EYS: variants seen among roughly 807,000 people sequenced by gnomAD.
EYS encodes the protein protein eyes shut homolog.
Under a neutral mutation model 282.1 loss-of-function variants are expected in EYS, and 250 were observed. The ratio of observed to expected loss-of-function variants is 0.89; its 90% CI spans 0.80 to 0.98. EYS has a LOEUF of 0.98. Among genes scored for constraint, EYS ranks in the 50% least tolerant of loss-of-function variants. The pLI is 0.00. For synonymous variants in EYS, 1,355 were observed against 1,282.9 expected (o/e 1.06, Z -1.20); for missense variants, 4,016 against 3,709.0 (o/e 1.08, Z -2.15).
At chr6:65,134,116 G>T (rs1405365331) in intron 12 of EYS, among the ~76,000 whole-genome samples, 5 of 152,006 alleles carry the variant, frequency 3.3e-5, no homozygotes, top group Non-Finnish European at 7.4e-5. Context: ...AAAACAACAG[G>T]TGTTGGCAAA....
intron 26 of EYS, among the ~76,000 whole-genome samples, chr6:64,488,481 T>A (rs924680333): frequency 7.3e-5 from 11 of 151,258 alleles, no homozygotes; most frequent in African/African-American, 2.2e-4. Context: ...TAGACTATTG[T>A]TAAAATGAAA....
At chr6:65,161,410 A>G (rs1244954154) in intron 12 of EYS, among the ~76,000 whole-genome samples, 1 of 150,982 alleles carries the variant, frequency 6.6e-6, no homozygotes, top group Non-Finnish European at 1.5e-5. Context: ...CCTCTCTCAG[A>G]GCATGAGCCT....
intron 5 of EYS, among the ~76,000 whole-genome samples, chr6:65,487,904 A>AG (rs1765872662): frequency 6.6e-6 from 1 of 152,028 alleles, no homozygotes; most frequent in Non-Finnish European, 1.5e-5. Context: ...TAGTCTTGGG[A>AG]GGGTGTATGT....
chr6:65,607,310 A>C (rs1765831751), intron 2 of EYS, among the ~76,000 whole-genome samples: 1 of 151,898 alleles, frequency 6.6e-6, no homozygotes, highest in Non-Finnish European at 1.5e-5. Context: ...CTCTGTATTC[A>C]CTTAAAAAAA....
intron 19 of EYS, among the ~76,000 whole-genome samples, chr6:64,861,177 G>T (rs993798761): frequency 6.6e-6 from 1 of 152,182 alleles, no homozygotes; most frequent in African/African-American, 2.4e-5. Flanking sequence ...AGGCCAGTGC[G>T]GAACTGCCCT....
intron 30 of EYS, among the ~76,000 whole-genome samples, chr6:64,303,458 G>T (rs564593713): frequency 1.3e-5 from 2 of 152,262 alleles, no homozygotes; most frequent in Non-Finnish European, 2.9e-5. Context: ...CAAAATAACA[G>T]AAAAGGGGGA....
chr6:65,421,787 A>G (rs1582270185), intron 5 of EYS, among the ~76,000 whole-genome samples: 1 of 151,958 alleles, frequency 6.6e-6, no homozygotes, highest in Non-Finnish European at 1.5e-5. Context: ...CTGTGGAGAC[A>G]TGAGAAGAGG....
chr6:64,325,195 A>C (rs1054460769), intron 29 of EYS, among the ~76,000 whole-genome samples: 2 of 152,196 alleles, frequency 1.3e-5, no homozygotes, highest in African/African-American at 2.4e-5. Context: ...GAGATATCTC[A>C]AATACTGTGC....
At chr6:63,726,461 C>T (rs1306859848) in intron 42 of EYS, 58 bp downstream of exon 42, 12 of 1,411,944 alleles carry the variant, frequency 8.5e-6, no homozygotes, top group African/African-American at 5.8e-5. Context: ...CACTATCATA[C>T]ATTACTTAAT....
chr6:64,890,517 G>A (rs566351128), intron 18 of EYS, among the ~76,000 whole-genome samples: 143 of 152,138 alleles, frequency 9.4e-4, no homozygotes, highest in Non-Finnish European at 1.8e-3. Flanking sequence ...GACGCTTAAG[G>A]AAAATAGAAA....
chr6:65,675,436 T>C (rs1768548003), intron 1 of EYS, among the ~76,000 whole-genome samples: 1 of 151,806 alleles, frequency 6.6e-6, no homozygotes, highest in Admixed American at 6.6e-5. Flanking sequence ...AGATATTATG[T>C]GTAAGTGGTT....
chr6:63,793,841 C>A (rs1562029219), intron 37 of EYS, among the ~76,000 whole-genome samples: 1 of 152,118 alleles, frequency 6.6e-6, no homozygotes, highest in Non-Finnish European at 1.5e-5. Flanking sequence ...GAAAATGAGA[C>A]CTTCCTGAAC....
chr6:64,957,939 A>G (rs1226641624), intron 14 of EYS, among the ~76,000 whole-genome samples: 1 of 152,188 alleles, frequency 6.6e-6, no homozygotes. Flanking sequence ...ATAAAATAAA[A>G]TGACCAATAT....
At chr6:64,726,052 T>C (rs1486486916) in intron 22 of EYS, among the ~76,000 whole-genome samples, 1 of 152,172 alleles carries the variant, frequency 6.6e-6, no homozygotes, top group African/African-American at 2.4e-5. Flanking sequence ...CCCAAGTATG[T>C]TGACTTGACA....
chr6:65,305,704 G>A (rs1768985993), intron 11 of EYS, among the ~76,000 whole-genome samples: 1 of 152,322 alleles, frequency 6.6e-6, no homozygotes, highest in Non-Finnish European at 1.5e-5. Context: ...CATGATTAGA[G>A]GAATTCTTTT....
intron 32 of EYS, among the ~76,000 whole-genome samples, chr6:64,069,742 C>A (rs962467462): frequency 6.6e-6 from 1 of 151,946 alleles, no homozygotes; most frequent in Non-Finnish European, 1.5e-5. Flanking sequence ...GATCTAAGGA[C>A]CCCTTAAGAC....
chr6:63,775,517 T>G (rs1365787444), intron 40 of EYS, among the ~76,000 whole-genome samples: 2 of 152,208 alleles, frequency 1.3e-5, no homozygotes, highest in Non-Finnish European at 2.9e-5. Flanking sequence ...CAGGAAAAGA[T>G]TAAACTTTAG....
intron 40 of EYS, among the ~76,000 whole-genome samples, chr6:63,774,263 G>A (rs994317149): frequency 2.0e-5 from 3 of 151,848 alleles, no homozygotes; most frequent in African/African-American, 7.3e-5. Flanking sequence ...CTGCCTCCCA[G>A]GTTCAAGCGA....
intron 12 of EYS, among the ~76,000 whole-genome samples, chr6:65,108,386 C>T (rs1161782289): frequency 6.6e-6 from 1 of 152,106 alleles, no homozygotes; most frequent in Non-Finnish European, 1.5e-5. Flanking sequence ...AAGCCTTGAC[C>T]TCTTGGGTTC....
Sources: gnomAD v4.1 joint callset for allele counts (sites outside exome capture counted in the v4.1 genomes callset) on GRCh38, gnomAD v4.1.1 for gene constraint, MANE v1.5 for transcripts, NCBI Gene and HGNC (gene_info 2026-07-23, HGNC 2026-07-21) for gene names.